PSMA6: variants seen among roughly 807,000 people sequenced by gnomAD.
PSMA6 encodes the protein proteasome 20S subunit alpha 6.
For synonymous variants in PSMA6, 88 were observed against 97.7 expected (o/e 0.90, Z 0.59); for missense variants, 170 against 294.8 (o/e 0.58, Z 3.10).
intron 1 of PSMA6, chr14:35,293,295 A>G (rs17458583): frequency 0.11 from 27,574 of 262,516 alleles, 1,684 homozygotes; most frequent in Middle Eastern, 0.13. Flanking sequence ...GTACTAGTTT[A>G]CTGAAGAACA....
intron 1 of PSMA6, among the ~76,000 whole-genome samples, chr14:35,301,766 A>G (rs1041684538): frequency 5.9e-5 from 9 of 152,308 alleles, no homozygotes; most frequent in South Asian, 2.1e-4. Context: ...TTGTGAGACA[A>G]AAGTTTATGT....
intron 1 of PSMA6, among the ~76,000 whole-genome samples, chr14:35,279,109 G>A (rs1333171388): frequency 5.3e-5 from 8 of 152,006 alleles, no homozygotes; most frequent in East Asian, 1.9e-4. Context: ...GTGCAGTGGC[G>A]CGATCTCGGC....
At chr14:35,314,478 T>A (rs116250929) in intron 6 of PSMA6, 23 bp downstream of exon 6, 1 of 1,602,344 alleles carries the variant, frequency 6.2e-7, no homozygotes, top group African/African-American at 1.3e-5. Context: ...GTGGGCCACA[T>A]GCAGACTAGA....
At chr14:35,290,944 A>G (rs2051471000), upstream of PSMA6, among the ~76,000 whole-genome samples, 1 of 152,024 alleles carries the variant, frequency 6.6e-6, no homozygotes, top group Non-Finnish European at 1.5e-5. Flanking sequence ...TTATTAATCA[A>G]GGGTGCTTAA....
intron 1 of PSMA6, 55 bp downstream of exon 1, chr14:35,292,607 G>T: frequency 1.9e-6 from 3 of 1,591,474 alleles, no homozygotes; most frequent in South Asian, 2.3e-5. Context: ...CATGGTACGT[G>T]CCTGGAGCGA....
chr14:35,308,367 G>C (rs2051871714), intron 2 of PSMA6: 1 of 262,472 alleles, frequency 3.8e-6, no homozygotes, highest in Non-Finnish European at 7.4e-6. Flanking sequence ...GTTACGGTGA[G>C]CCAGGATCAC....
At chr14:35,308,730 CGA>C in intron 2 of PSMA6, 182 bp from the exon 3 acceptor site, 1 of 500,686 alleles carries the variant, frequency 2.0e-6, no homozygotes, top group Non-Finnish European at 3.5e-6. Flanking sequence ...TAGAGCCCCT[CGA>C]AACTAAAATT....
At chr14:35,287,212 G>C (rs780934756) in intron 1 of PSMA6, among the ~76,000 whole-genome samples, 3 of 152,152 alleles carry the variant, frequency 2.0e-5, no homozygotes, top group Non-Finnish European at 4.4e-5. Flanking sequence ...CTCTGAATTA[G>C]TGAAAATCTG....
At chr14:35,293,381 T>TG in intron 1 of PSMA6, 1 of 186,018 alleles carries the variant, frequency 5.4e-6, no homozygotes, top group South Asian at 8.5e-5. Flanking sequence ...GTTTAGGTTA[T>TG]GATTATAAGC....
intron 1 of PSMA6, among the ~76,000 whole-genome samples, chr14:35,299,340 T>TTTTTTTTTTTTTTTA (rs58003629): frequency 1.4e-5 from 2 of 142,812 alleles, no homozygotes; most frequent in African/African-American, 2.6e-5. Flanking sequence ...TTTTTTTTTT[T>TTTTTTTTTTTTTTTA]GAGATGGAGT....
intron 1 of PSMA6, among the ~76,000 whole-genome samples, chr14:35,281,388 C>G (rs965888740): frequency 6.6e-6 from 1 of 152,182 alleles, no homozygotes; most frequent in African/African-American, 2.4e-5. Context: ...CTGGAGCCTT[C>G]ATTTCCTTTT....
intron 1 of PSMA6, among the ~76,000 whole-genome samples, chr14:35,294,515 C>A (rs970824671): frequency 6.6e-6 from 1 of 152,244 alleles, no homozygotes; most frequent in Non-Finnish European, 1.5e-5. Flanking sequence ...ACTACCTGAT[C>A]TGGGCACTTG....
intron 1 of PSMA6, 181 bp downstream of exon 1, chr14:35,292,733 C>G: frequency 8.3e-7 from 1 of 1,207,116 alleles, no homozygotes; most frequent in Non-Finnish European, 1.1e-6. Flanking sequence ...ACGCAGGGAT[C>G]GGGGGCCTGA....
intron 1 of PSMA6, among the ~76,000 whole-genome samples, chr14:35,301,034 G>A (rs1354824683): frequency 6.6e-6 from 1 of 152,118 alleles, no homozygotes; most frequent in Non-Finnish European, 1.5e-5. Flanking sequence ...GATTATCTAG[G>A]TTATAGCTAA....
At chr14:35,303,139 A>T (rs2138734596) in intron 1 of PSMA6, among the ~76,000 whole-genome samples, 1 of 152,264 alleles carries the variant, frequency 6.6e-6, no homozygotes, top group Non-Finnish European at 1.5e-5. Context: ...TTTTATGAAG[A>T]CTGTGGATTC....
chr14:35,287,517 C>T (rs1238031838), upstream of PSMA6, among the ~76,000 whole-genome samples: 1 of 151,506 alleles, frequency 6.6e-6, no homozygotes, highest in Admixed American at 6.6e-5. Flanking sequence ...TGTGATTCAG[C>T]ATGTCTGCAG....
upstream of PSMA6, chr14:35,292,250 C>G (rs2051495062): frequency 2.3e-6 from 3 of 1,319,212 alleles, no homozygotes; most frequent in African/African-American, 4.6e-5. Context: ...GGCGCAGGCG[C>G]ATACCTTCAA....
At chr14:35,290,994 A>ATT (rs201736184), upstream of PSMA6, among the ~76,000 whole-genome samples, 3,222 of 147,078 alleles carry the variant, frequency 0.022, 82 homozygotes, top group African/African-American at 0.06. Context: ...TCAGTTCCAC[A>ATT]TTTTTTTTTT....
chr14:35,313,084 TTTTTTTATGC>T (rs2051975493), intron 5 of PSMA6, 25 bp downstream of exon 5: 1 of 1,545,122 alleles, frequency 6.5e-7, no homozygotes, highest in Non-Finnish European at 8.7e-7. Flanking sequence ...AGGAGCTGAC[TTTTTTTATGC>T]TATATAGAAC....
Sources: allele counts gnomAD v4.1 joint callset (sites outside exome capture counted in the v4.1 genomes callset), GRCh38; gene constraint gnomAD v4.1.1; transcripts MANE v1.5; gene names NCBI Gene and HGNC (gene_info 2026-07-23, HGNC 2026-07-21).